Variants in NDUFB4 observed in about 807,000 individuals in gnomAD.
NDUFB4 encodes NADH:ubiquinone oxidoreductase subunit B4, also known as NADH dehydrogenase [ubiquinone] 1 beta subcomplex subunit 4.
Under a neutral mutation model 14.5 loss-of-function variants are expected in NDUFB4, and 10 were observed. The observed-to-expected ratio is 0.69, with a 90% CI of 0.43 to 1.17. The LOEUF (loss-of-function observed/expected upper bound fraction) is 1.17. Ranked by LOEUF, NDUFB4 falls within the 50% of genes most tolerant of loss-of-function variation. The pLI, the probability that NDUFB4 is intolerant of heterozygous loss-of-function variation, is 0.00. For missense variants in NDUFB4, 165 were observed against 161.1 expected (o/e 1.02, Z -0.13); for synonymous variants, 65 against 63.4 (o/e 1.03, Z -0.12).
chr3:120,602,465 G>A lies in NDUFB4; in HGVS notation c.*195G>A, dbSNP rs570712871. 9 of 541,008 alleles carry A rather than the reference G, an allele frequency of 1.7e-5. No individual in the cohort carries two copies. In the African/African-American group the frequency reaches 1.7e-4, roughly 10 times the overall value. 33.5% of individuals were successfully genotyped at this position (541,008 alleles called of 1,614,324 possible). On this transcript the variant is annotated 3_prime_UTR_variant, in exon 3 of 3. Coordinates refer to ENST00000184266, the MANE Select transcript of NDUFB4 (RefSeq NM_004547.6). ...AGCAAACATTTGCTGTACATTGAAT[G>A]AATGAACATAAACTTCATTAAACTG...
At position 120,602,399 on chromosome 3, in the gene NDUFB4, A is replaced by G; in HGVS notation, c.*129A>G. On this transcript the variant is annotated 3_prime_UTR_variant, in exon 3 of 3. Coordinates refer to ENST00000184266, the MANE Select transcript of NDUFB4 (RefSeq NM_004547.6). ...ACTATTAACACCCTAACAACACAGA[A>G]GCAGACGCAGCCCGTGTTGGGAATC... 2.4e-6 allele frequency: 2 copies of G among 819,076 alleles called. No homozygotes were observed. 50.7% of individuals were successfully genotyped at this position (819,076 alleles called of 1,614,324 possible).
intron 1 of NDUFB4, among the ~76,000 whole-genome samples, chr3:120,600,782 A>T (rs995174607): frequency 2.6e-5 from 4 of 152,254 alleles, no homozygotes; most frequent in African/African-American, 9.6e-5. Context: ...AGAAGAATAG[A>T]TGAAAATGAC....
At chr3:120,599,634 G>A (rs183852833) in intron 1 of NDUFB4, among the ~76,000 whole-genome samples, 195 of 152,240 alleles carry the variant, frequency 1.3e-3, no homozygotes, top group Admixed American at 2.5e-3. Flanking sequence ...TCTCTTCATA[G>A]TGTGTCTTTT....
chr3:120,596,726 C>G, intron 1 of NDUFB4, 187 bp downstream of exon 1: 1 of 634,652 alleles, frequency 1.6e-6, no homozygotes, highest in Non-Finnish European at 2.7e-6. Flanking sequence ...GCTCTGGACT[C>G]AGACCTGGCT....
chr3:120,600,951 G>C, intron 1 of NDUFB4, 160 bp from the exon 2 acceptor site: 1 of 607,222 alleles, frequency 1.6e-6, no homozygotes, highest in Non-Finnish European at 2.8e-6. Context: ...CACCAGAAAT[G>C]AAAGATCTTT....
intron 1 of NDUFB4, among the ~76,000 whole-genome samples, chr3:120,597,185 A>C (rs1939980458): frequency 1.3e-5 from 2 of 151,814 alleles, no homozygotes; most frequent in South Asian, 4.2e-4. Context: ...CATCTTTTAA[A>C]GACCCTGAAG....
intron 2 of NDUFB4, 184 bp downstream of exon 2, chr3:120,601,441 C>T: frequency 7.0e-7 from 1 of 1,432,616 alleles, no homozygotes; most frequent in South Asian, 1.6e-5. Context: ...AGAAAGTTTT[C>T]AGTCACCTTT....
chr3:120,602,149 T>G, intron 2 of NDUFB4, 59 bp from the exon 3 acceptor site: 2 of 1,577,926 alleles, frequency 1.3e-6, no homozygotes, highest in Middle Eastern at 2.0e-4. Context: ...TATTTTTATC[T>G]AATATAGCCA....
chr3:120,600,121 G>GT lies in NDUFB4; in HGVS notation c.181-975dup, dbSNP rs535359141. Among the ~76,000 whole-genome samples, 916 of 117,850 alleles carry GT rather than the reference G, an allele frequency of 7.8e-3. 14 individuals are homozygous for GT. Among genetic ancestry groups the GT allele is most frequent in the African/African-American group, 0.019 (627 of 33,386 alleles). The allele number at this position is 117,850 out of a possible 152,430, so 77.3% of individuals were successfully genotyped here. A position where few individuals can be genotyped will look rare whatever the true frequency, so the allele number is the denominator to read the frequency against. ...TTTCCATCATAAGGTTTTTTTTTTT[G>GT]TTTTTTTTTTTTTTTAAACTTCTGA... On this transcript the variant is annotated intron_variant, in intron 1 of 2. Transcript: ENST00000184266.
rs1041941228 is a variant in NDUFB4, at chr3:120,601,535, A to G, written c.327+278A>G. 30 of 1,271,698 alleles carry G rather than the reference A, an allele frequency of 2.4e-5. No homozygotes were observed. In the East Asian group the frequency reaches 9.9e-4, roughly 42 times the overall value. 78.8% of individuals were successfully genotyped at this position (1,271,698 alleles called of 1,614,324 possible). A position where few individuals can be genotyped will look rare whatever the true frequency, so the allele number is the denominator to read the frequency against. On this transcript the variant is annotated intron_variant, in intron 2 of 2. Transcript: ENST00000184266. ...TAGCAGAATACATAAATCATTTAGT[A>G]CGTTTCCTGTTTGCGTGAATTCTAT...
intron 1 of NDUFB4, among the ~76,000 whole-genome samples, chr3:120,600,073 T>C (rs1234031338): frequency 1.3e-5 from 2 of 150,702 alleles, no homozygotes; most frequent in African/African-American, 2.4e-5. Context: ...GGAATTTCAG[T>C]CTGATTAAAA....
chr3:120,596,592 G>C lies in NDUFB4; in HGVS notation c.180+53G>C, dbSNP rs774411851. The stretch of plus-strand genomic sequence containing the variant: ...TAGGGCCCGAGTCCTGGGAGAGACC[G>C]AGAGAGACCACGCAAAGGGTCGGCC... On this transcript the variant is annotated intron_variant, in intron 1 of 2. Coordinates refer to ENST00000184266, the MANE Select transcript of NDUFB4 (RefSeq NM_004547.6). 5.1e-6 allele frequency: 8 copies of C among 1,575,232 alleles called. No homozygotes were observed. The East Asian group carries it at 1.8e-4, about 36-fold the overall frequency.
intron 1 of NDUFB4, among the ~76,000 whole-genome samples, chr3:120,597,987 G>T (rs1319233423): frequency 5.9e-5 from 9 of 151,766 alleles, no homozygotes; most frequent in African/African-American, 2.2e-4. Flanking sequence ...CTTTGGTTCT[G>T]TTGATTAAAT....
At chr3:120,597,051 T>C (rs1939974871) in intron 1 of NDUFB4, among the ~76,000 whole-genome samples, 2 of 146,984 alleles carry the variant, frequency 1.4e-5, no homozygotes, top group Non-Finnish European at 3.0e-5. Flanking sequence ...TATTATATTC[T>C]ATATATATGC....
At chr3:120,598,448 G>A (rs186617124) in intron 1 of NDUFB4, among the ~76,000 whole-genome samples, 1 of 152,114 alleles carries the variant, frequency 6.6e-6, no homozygotes, top group African/African-American at 2.4e-5. Flanking sequence ...TAACAATGGA[G>A]ATCAAAACAG....
intron 2 of NDUFB4, 83 bp from the exon 3 acceptor site, chr3:120,602,125 C>A (rs1940074235): frequency 1.3e-6 from 2 of 1,546,952 alleles, no homozygotes; most frequent in Non-Finnish European, 1.7e-6. Context: ...TTTTTCTTAC[C>A]TTTTTTATTT....
intron 1 of NDUFB4, among the ~76,000 whole-genome samples, chr3:120,600,753 GAAGCTAA>G (rs1940043631): frequency 6.6e-6 from 1 of 152,182 alleles, no homozygotes; most frequent in Admixed American, 6.5e-5. Flanking sequence ...ACTTGACAAT[GAAGCTAA>G]AAACAGTCCA....
chr3:120,602,271 G>A lies in NDUFB4; in HGVS notation c.*1G>A, dbSNP rs568751640. The A allele has an allele frequency of 6.2e-7, 1 of 1,605,758 alleles. No homozygotes were observed. The highest frequency in any genetic ancestry group is 1.3e-5 in the African/African-American group (1 of 74,640). On this transcript the variant is annotated 3_prime_UTR_variant, in exon 3 of 3. Coordinates refer to ENST00000184266, the MANE Select transcript of NDUFB4 (RefSeq NM_004547.6). ...TCGAACATTTCACCTCTCATATTAA[G>A]TCTGGCAATGATGACTATATGTATT...
At chr3:120,598,733 G>A (rs375032677) in intron 1 of NDUFB4, among the ~76,000 whole-genome samples, 1 of 152,074 alleles carries the variant, frequency 6.6e-6, no homozygotes, top group East Asian at 1.9e-4. Context: ...ATCAGAGAAC[G>A]GCAAGTGCAA....
Sources: allele counts gnomAD v4.1 joint callset (sites outside exome capture counted in the v4.1 genomes callset), GRCh38; gene constraint gnomAD v4.1.1; transcripts MANE v1.5; gene names NCBI Gene and HGNC (gene_info 2026-07-23, HGNC 2026-07-21).